The following TBXAS1 variants were observed in gnomAD, a reference collection of about 807,000 sequenced individuals.
The protein encoded by TBXAS1 is thromboxane A synthase 1, also known as thromboxane-A synthase.
TBXAS1 carries 48 observed loss-of-function variants against 60.7 expected under a neutral mutation model. The ratio of observed to expected loss-of-function variants is 0.79; its 90% CI spans 0.63 to 1.01. The LOEUF (loss-of-function observed/expected upper bound fraction) is 1.01. Among genes scored for constraint, TBXAS1 ranks in the 50% least tolerant of loss-of-function variants. The pLI is 0.00. For synonymous variants in TBXAS1, 287 were observed against 269.7 expected (o/e 1.06, Z -0.63); for missense variants, 685 against 686.3 (o/e 1.00, Z 0.02).
rs1168456345 is a variant in TBXAS1 at position 140,004,451 on chromosome 7, G to A, written c.1135-2640G>A. Among the ~76,000 whole-genome samples the A allele has an allele frequency of 4.6e-5, 7 of 152,336 alleles. No homozygotes were observed. Among genetic ancestry groups the A allele is most frequent in the Non-Finnish European group, 7.3e-5 (5 of 68,038 alleles). On this transcript the variant is annotated intron_variant, in intron 9 of 12. Coordinates refer to ENST00000448866, the MANE Select transcript of TBXAS1 (RefSeq NM_001061.7). This position sits in a 1 kb window ranked among gnomAD's most constrained non-coding sequence, Gnocchi z 5.1. The stretch of plus-strand genomic sequence containing the variant: ...CAGTTTTAAATGTAAATTTCAGAGC[G>A]TTTAACTTATATGCAGAACCACTGA...
chr7:139,896,495 G>A lies in TBXAS1; in HGVS notation c.237-14730G>A, dbSNP rs1192535599. Among the ~76,000 whole-genome samples the A allele has an allele frequency of 6.6e-6, 1 of 152,174 alleles. No homozygotes were observed. The highest frequency in any genetic ancestry group is 2.4e-5 in the African/African-American group (1 of 41,438). On this transcript the variant is annotated intron_variant, in intron 3 of 12. Coordinates refer to ENST00000448866, the MANE Select transcript of TBXAS1 (RefSeq NM_001061.7). The surrounding 1 kb of genome is among the most constrained non-coding windows in gnomAD (Gnocchi z 4.0). Reference sequence around the variant, plus strand: ...ACTGTGTGCTGAGACACCCCAGGGTGCCACAGTGAACTCACAGGGGCTTCC... The same window carrying A: ...ACTGTGTGCTGAGACACCCCAGGGTACCACAGTGAACTCACAGGGGCTTCC...
At chr7:139,921,195 A>G (rs1158553869) in intron 4 of TBXAS1, among the ~76,000 whole-genome samples, 1 of 152,044 alleles carries the variant, frequency 6.6e-6, no homozygotes, top group Non-Finnish European at 1.5e-5. Context: ...AGACACAAAC[A>G]TTTCCAACAC....
At chr7:139,796,964 A>G (rs1328595077) in intron 4 of TBXAS1, among the ~76,000 whole-genome samples, 1 of 152,246 alleles carries the variant, frequency 6.6e-6, no homozygotes, top group Non-Finnish European at 1.5e-5. Context: ...TGCGCTTGAC[A>G]TGTCGACACA....
At chr7:139,898,943 G>T (rs1804341154) in intron 3 of TBXAS1, among the ~76,000 whole-genome samples, 1 of 150,782 alleles carries the variant, frequency 6.6e-6, no homozygotes, top group South Asian at 2.1e-4. Context: ...CTGCAACTGT[G>T]GCACTGCCAG....
intron 1 of TBXAS1, among the ~76,000 whole-genome samples, chr7:139,865,832 G>C (rs951717808): frequency 9.6e-6 from 1 of 104,388 alleles, no homozygotes. Flanking sequence ...AGGGAGGGAG[G>C]GGGGAAAGGA....
Position 139,923,052 on chromosome 7 carries a change from C to T in TBXAS1, c.333+11731C>T, listed in dbSNP as rs557873004. On this transcript the variant is annotated intron_variant, in intron 4 of 12. Coordinates refer to ENST00000448866, the MANE Select transcript of TBXAS1 (RefSeq NM_001061.7). Reference sequence around the variant, plus strand: ...TGAAAGATGGCAGTGTGGCCAGGCACGGTGGCTAACGCCTATAATTTTGGG... The same window carrying T: ...TGAAAGATGGCAGTGTGGCCAGGCATGGTGGCTAACGCCTATAATTTTGGG... 1.1e-4 allele frequency among the ~76,000 whole-genome samples: 16 copies of T among 152,246 alleles called. No homozygotes were observed. The South Asian group carries it at 1.7e-3, about 16-fold the overall frequency.
rs78906033 is a variant in TBXAS1, at chr7:139,945,941, C to T, written c.451-7427C>T. 4.5e-3 allele frequency among the ~76,000 whole-genome samples: 682 copies of T among 152,290 alleles called. 3 individuals are homozygous for T. The highest frequency in any genetic ancestry group is 0.015 in the African/African-American group (625 of 41,566). On this transcript the variant is annotated intron_variant, in intron 5 of 12. Transcript: ENST00000448866. ...ACACGGTTATTAGCAGGATTCAATTCGTAATGGACTTTGGAAGATAAGAAT... is the reference window on the plus strand; with the variant it reads ...ACACGGTTATTAGCAGGATTCAATTTGTAATGGACTTTGGAAGATAAGAAT...
At chr7:139,840,995 T>C (rs1799400941) in intron 1 of TBXAS1, among the ~76,000 whole-genome samples, 1 of 151,018 alleles carries the variant, frequency 6.6e-6, no homozygotes. Flanking sequence ...TGGGTCAGTC[T>C]GTGCTGCCGC....
rs1554480298 is a variant in TBXAS1 at position 139,875,656 on chromosome 7, G to GTTTCTATTATGTATGATAT, written c.236+32_236+33insTGATATTTTCTATTATGTA. ...TGTGTGGGTAAGAAGGAAACTCAAC[G>GTTTCTATTATGTATGATAT]TTTCTATTATGTACGATATTTTCTA... On this transcript the variant is annotated intron_variant, in intron 3 of 12. Coordinates refer to ENST00000448866, the MANE Select transcript of TBXAS1 (RefSeq NM_001061.7). 3.1e-6 allele frequency: 5 copies of GTTTCTATTATGTATGATAT among 1,613,038 alleles called. No individual in the cohort carries two copies. The African/African-American group carries it at 6.7e-5, about 22-fold the overall frequency.
At chr7:139,844,951 C>T (rs1044754660) in intron 1 of TBXAS1, among the ~76,000 whole-genome samples, 6 of 152,052 alleles carry the variant, frequency 3.9e-5, no homozygotes, top group Non-Finnish European at 7.4e-5. Flanking sequence ...GGCTGGGACA[C>T]CTGCCTCTCA....
intron 4 of TBXAS1, among the ~76,000 whole-genome samples, chr7:139,804,819 G>C (rs910942972): frequency 2.0e-5 from 3 of 152,190 alleles, no homozygotes; most frequent in African/African-American, 7.2e-5. Flanking sequence ...CCACCCATGT[G>C]AAACTGTGAG....
rs574031580 is a variant in TBXAS1, at chr7:139,803,370, C to T, written c.-80+15944C>T. Among the ~76,000 whole-genome samples, 16 of 152,052 alleles carry T rather than the reference C, an allele frequency of 1.1e-4. No individual in the cohort carries two copies. The South Asian group carries it at 2.1e-3, about 20-fold the overall frequency. Reference sequence around the variant, plus strand: ...TGTGGAACTTTGAACTTGAGAGAGACGATTTAGGGTATGTGGTGGAAGAAA... The same window carrying T: ...TGTGGAACTTTGAACTTGAGAGAGATGATTTAGGGTATGTGGTGGAAGAAA... On this transcript the variant is annotated intron_variant, in intron 4 of 16. Transcript: ENST00000336425.
At chr7:139,934,243 C>T (rs1807565368) in intron 4 of TBXAS1, among the ~76,000 whole-genome samples, 1 of 151,794 alleles carries the variant, frequency 6.6e-6, no homozygotes. Context: ...GGCTGGAGTG[C>T]AGTTGTGTGA....
chr7:139,880,564 T>C (rs973435878), intron 3 of TBXAS1, among the ~76,000 whole-genome samples: 9 of 152,232 alleles, frequency 5.9e-5, no homozygotes, highest in African/African-American at 2.2e-4. Flanking sequence ...TTCTTTATAG[T>C]CAAATGGATC....
chr7:139,854,204 C>A (rs1800425080), intron 1 of TBXAS1, among the ~76,000 whole-genome samples: 1 of 152,006 alleles, frequency 6.6e-6, no homozygotes, highest in Non-Finnish European at 1.5e-5. Context: ...GTTCTTGCCT[C>A]TCCTTTGTCT....
chr7:139,855,445 T>G (rs1414138332), intron 1 of TBXAS1, among the ~76,000 whole-genome samples: 2 of 151,694 alleles, frequency 1.3e-5, no homozygotes, highest in African/African-American at 2.4e-5. Flanking sequence ...CCTGGGGCTT[T>G]GGGAAGTAGT....
intron 1 of TBXAS1, among the ~76,000 whole-genome samples, chr7:139,867,521 C>T (rs1011795512): frequency 1.1e-4 from 16 of 152,126 alleles, no homozygotes; most frequent in African/African-American, 3.6e-4. Context: ...TTGAATCCAT[C>T]AAGAGAAGGT....
intron 2 of TBXAS1, among the ~76,000 whole-genome samples, chr7:139,873,807 C>A (rs1225065540): frequency 6.6e-6 from 1 of 152,094 alleles, no homozygotes; most frequent in African/African-American, 2.4e-5. Flanking sequence ...TGCTAAGTCA[C>A]GGGGACACTG....
At chr7:139,829,558 T>G in intron 1 of TBXAS1, 79 bp downstream of exon 1, 1 of 1,322,888 alleles carries the variant, frequency 7.6e-7, no homozygotes, top group Non-Finnish European at 1.1e-6. Flanking sequence ...TGGCGGGGTA[T>G]GTGGGAGTGT....
Sources: gnomAD v4.1 joint callset for allele counts (sites outside exome capture counted in the v4.1 genomes callset) on GRCh38, gnomAD v4.1.1 for gene constraint, Gnocchi (gnomAD v3.1) non-coding constraint, MANE v1.5 for transcripts, NCBI Gene and HGNC (gene_info 2026-07-23, HGNC 2026-07-21) for gene names.